NLGN1: variants seen among roughly 807,000 people sequenced by gnomAD.
The protein encoded by NLGN1 is neuroligin-1.
A neutral mutation model predicts 65.5 loss-of-function variants in NLGN1; 12 were observed. The ratio of observed to expected loss-of-function variants is 0.18; its 90% CI spans 0.12 to 0.30. The LOEUF (loss-of-function observed/expected upper bound fraction) is 0.30. Among genes scored for constraint, NLGN1 ranks in the 10% least tolerant of loss-of-function variants. The pLI is 1.00. For missense variants in NLGN1, 750 were observed against 1,007.1 expected (o/e 0.74, Z 3.46); for synonymous variants, 350 against 359.5 (o/e 0.97, Z 0.30).
rs557572543 is a variant in NLGN1, at chr3:174,066,483, C to G, written c.647-208832C>G. On this transcript the variant is annotated intron_variant, in intron 4 of 6. Coordinates refer to ENST00000457714, the Ensembl canonical transcript of NLGN1. ...CTTTTGACCCAAATATCAGTTTCAT[C>G]TAACCACAGTTTTTAAATAGATTAT... Among the ~76,000 whole-genome samples, 278 of 141,632 alleles carry G rather than the reference C, an allele frequency of 2.0e-3. 2 individuals are homozygous for G. Among genetic ancestry groups the G allele is most frequent in the Non-Finnish European group, 3.2e-3 (214 of 65,894 alleles). The allele number at this position is 141,632 out of a possible 152,430, so 92.9% of individuals were successfully genotyped here.
At chr3:173,791,223 G>T (rs553738460) in intron 3 of NLGN1, among the ~76,000 whole-genome samples, 11 of 152,162 alleles carry the variant, frequency 7.2e-5, no homozygotes, top group Non-Finnish European at 1.5e-4. Context: ...CAACTTGGAC[G>T]CTTGAGTAGA....
chr3:173,986,173 A>G (rs1256645127), intron 4 of NLGN1, among the ~76,000 whole-genome samples: 1 of 152,070 alleles, frequency 6.6e-6, no homozygotes, highest in Non-Finnish European at 1.5e-5. Flanking sequence ...TCCATATAAA[A>G]AAGGGGAAAT....
intron 4 of NLGN1, among the ~76,000 whole-genome samples, chr3:174,200,642 A>C (rs752053215): frequency 8.9e-4 from 135 of 152,342 alleles, no homozygotes; most frequent in Non-Finnish European, 1.2e-3. Context: ...TATATGTTGC[A>C]GAAATATTAA....
intron 2 of NLGN1, among the ~76,000 whole-genome samples, chr3:173,515,795 T>C (rs1337071961): frequency 1.3e-5 from 2 of 152,108 alleles, no homozygotes; most frequent in Non-Finnish European, 2.9e-5. Flanking sequence ...TTTATTTTTA[T>C]ACTCGTAGCC....
intron 4 of NLGN1, among the ~76,000 whole-genome samples, chr3:173,827,304 A>G (rs1038815179): frequency 1.3e-5 from 2 of 152,078 alleles, no homozygotes; most frequent in Non-Finnish European, 2.9e-5. Context: ...TAAAGATTCT[A>G]GTGAAGAGAT....
intron 4 of NLGN1, among the ~76,000 whole-genome samples, chr3:174,187,242 C>G (rs1731578162): frequency 1.3e-5 from 2 of 151,772 alleles, no homozygotes; most frequent in Admixed American, 1.3e-4. Flanking sequence ...TTTAGAGCAG[C>G]CTTGGATTTG....
chr3:174,266,812 A>T (rs1748336525), intron 4 of NLGN1, among the ~76,000 whole-genome samples: 1 of 152,162 alleles, frequency 6.6e-6, no homozygotes, highest in African/African-American at 2.4e-5. Context: ...TTTGTATATT[A>T]TAAATATTTA....
chr3:173,945,434 T>A (rs1056816740), intron 4 of NLGN1, among the ~76,000 whole-genome samples: 2 of 152,120 alleles, frequency 1.3e-5, no homozygotes, highest in African/African-American at 2.4e-5. Context: ...AAGGCTTTTC[T>A]TGTCATTATT....
At chr3:173,964,597 G>A (rs1213140541) in intron 4 of NLGN1, among the ~76,000 whole-genome samples, 1 of 152,154 alleles carries the variant, frequency 6.6e-6, no homozygotes, top group African/African-American at 2.4e-5. Context: ...TTATTGAGGT[G>A]AAGGCTAGAA....
At chr3:174,100,820 T>C (rs1712269227) in intron 4 of NLGN1, among the ~76,000 whole-genome samples, 1 of 152,082 alleles carries the variant, frequency 6.6e-6, no homozygotes. Context: ...ATTTTTTTTC[T>C]AGTTCACCAG....
intron 3 of NLGN1, among the ~76,000 whole-genome samples, chr3:173,711,748 A>T (rs1435735005): frequency 6.6e-6 from 1 of 152,138 alleles, no homozygotes; most frequent in African/African-American, 2.4e-5. Flanking sequence ...GAATCGATCT[A>T]CTATGGTGAT....
intron 4 of NLGN1, among the ~76,000 whole-genome samples, chr3:174,107,451 A>C (rs149542091): frequency 6.6e-6 from 1 of 152,246 alleles, no homozygotes; most frequent in East Asian, 1.9e-4. Context: ...TATCTAGGTG[A>C]TTGTGTGTAT....
At chr3:173,403,207 T>C (rs1718025476) in intron 1 of NLGN1, among the ~76,000 whole-genome samples, 1 of 152,098 alleles carries the variant, frequency 6.6e-6, no homozygotes, top group Admixed American at 6.6e-5. Flanking sequence ...AATTGGAAAA[T>C]GTAGGAATGT....
At chr3:174,275,112 A>AAGAT (rs532248275) in intron 4 of NLGN1, among the ~76,000 whole-genome samples, 20 of 151,944 alleles carry the variant, frequency 1.3e-4, no homozygotes, top group East Asian at 9.7e-4. Flanking sequence ...GCATTTGGGG[A>AAGAT]AGATAAATGT....
chr3:174,181,043 A>T (rs959316095), intron 4 of NLGN1, among the ~76,000 whole-genome samples: 3 of 152,188 alleles, frequency 2.0e-5, no homozygotes, highest in African/African-American at 4.8e-5. Flanking sequence ...CTAAATTGCC[A>T]TGTTCTCCAT....
intron 4 of NLGN1, among the ~76,000 whole-genome samples, chr3:173,982,339 A>T (rs2152395315): frequency 6.6e-6 from 1 of 152,192 alleles, no homozygotes; most frequent in South Asian, 2.1e-4. Flanking sequence ...TGGATAATTT[A>T]TATTTTAATA....
intron 4 of NLGN1, among the ~76,000 whole-genome samples, chr3:174,228,030 G>A (rs757306005): frequency 2.6e-5 from 4 of 151,858 alleles, no homozygotes; most frequent in Non-Finnish European, 4.4e-5. Context: ...TTCATACTGA[G>A]ACATATTGTT....
intron 4 of NLGN1, among the ~76,000 whole-genome samples, chr3:174,169,874 C>T (rs1728197527): frequency 6.6e-6 from 1 of 152,094 alleles, no homozygotes; most frequent in Admixed American, 6.5e-5. Context: ...CAGTGTCTTT[C>T]CCTCACAGCA....
chr3:173,742,316 C>A (rs975133149), intron 3 of NLGN1, among the ~76,000 whole-genome samples: 1 of 152,010 alleles, frequency 6.6e-6, no homozygotes, highest in Non-Finnish European at 1.5e-5. Context: ...GGGCTGATGT[C>A]GCTGTACTAG....
Sources: gnomAD v4.1 joint callset for allele counts (sites outside exome capture counted in the v4.1 genomes callset) on GRCh38, gnomAD v4.1.1 for gene constraint, MANE v1.5 for transcripts, NCBI Gene and HGNC (gene_info 2026-07-23, HGNC 2026-07-21) for gene names.